SDK2: variants seen among roughly 807,000 people sequenced by gnomAD.
The protein encoded by SDK2 is sidekick cell adhesion molecule 2.
Under a neutral mutation model 253.9 loss-of-function variants are expected in SDK2, and 105 were observed. The observed-to-expected ratio is 0.41, with a 90% CI of 0.35 to 0.49. The LOEUF (loss-of-function observed/expected upper bound fraction) is 0.49. Ranked by LOEUF, SDK2 falls within the 20% of genes least tolerant of loss-of-function variation. SDK2 has a pLI of 0.06. For synonymous variants in SDK2, 1,249 were observed against 1,234.9 expected (o/e 1.01, Z -0.24); for missense variants, 2,608 against 3,003.0 (o/e 0.87, Z 3.07).
intron 1 of SDK2, chr17:73,516,570 A>G (rs2064030273): frequency 6.6e-6 from 1 of 152,330 alleles, no homozygotes; most frequent in African/African-American, 2.4e-5. Context: ...CACAAATGAG[A>G]TGCTAATTTA....
chr17:73,588,387 CAA>C (rs1215654213), intron 1 of SDK2, among the ~76,000 whole-genome samples: 8 of 59,026 alleles, frequency 1.4e-4, no homozygotes, highest in Non-Finnish European at 1.7e-4. Flanking sequence ...AACTCCATCT[CAA>C]AAAAAAAAAA....
rs1196085254 is a variant in SDK2 at position 73,481,191 on chromosome 17, G to C, written c.225-8973C>G. Among the ~76,000 whole-genome samples the C allele has an allele frequency of 6.6e-6, 1 of 152,178 alleles. No individual in the cohort carries two copies. The highest frequency in any genetic ancestry group is 2.4e-5 in the African/African-American group (1 of 41,460). Reference sequence around the variant, plus strand: ...GGTTCCAGAATCCTTGGAAGGTGGGGGAGGGCCCTGGACTTGTCCCCTCCC... The same window carrying C: ...GGTTCCAGAATCCTTGGAAGGTGGGCGAGGGCCCTGGACTTGTCCCCTCCC... On this transcript the variant is annotated intron_variant, in intron 2 of 44. Transcript: ENST00000392650. This position sits in a 1 kb window ranked among gnomAD's most constrained non-coding sequence, Gnocchi z 4.5.
intron 1 of SDK2, among the ~76,000 whole-genome samples, chr17:73,598,083 C>T (rs2045785540): frequency 6.6e-6 from 1 of 150,508 alleles, no homozygotes; most frequent in Non-Finnish European, 1.5e-5. Flanking sequence ...TCTCAGGTGC[C>T]CCAAACCTAG....
chr17:73,350,901 T>G, intron 41 of SDK2, 111 bp from the exon 42 acceptor site: 1 of 1,157,374 alleles, frequency 8.6e-7, no homozygotes, highest in Non-Finnish European at 1.2e-6. Flanking sequence ...AGGCAGGGTC[T>G]GTACCCTCCG....
At chr17:73,412,009 TGTAG>T (rs1191464789) in intron 18 of SDK2, among the ~76,000 whole-genome samples, 11 of 119,362 alleles carry the variant, frequency 9.2e-5, no homozygotes, top group East Asian at 7.5e-4. Context: ...CACATATATA[TGTAG>T]ATATACGTAT....
rs966618142 is a variant in SDK2, at chr17:73,533,541, C to A, written c.65-25944G>T. ...GCCTAGCTCCAGATCATCACTACTG[C>A]CCACCATCACTTCCCTGGCACAGGG... On this transcript the variant is annotated intron_variant, in intron 1 of 44. Coordinates refer to ENST00000392650, the MANE Select transcript of SDK2 (RefSeq NM_001144952.2). Among the ~76,000 whole-genome samples, 74 of 152,224 alleles carry A rather than the reference C, an allele frequency of 4.9e-4. 1 individual carries two copies. Among genetic ancestry groups the A allele is most frequent in the Admixed American group, 3.9e-3 (59 of 15,290 alleles).
intron 2 of SDK2, among the ~76,000 whole-genome samples, chr17:73,499,811 G>A (rs1396802365): frequency 6.6e-6 from 1 of 151,900 alleles, no homozygotes; most frequent in Non-Finnish European, 1.5e-5. Flanking sequence ...TGGCACCCAT[G>A]AGCCTCCATA....
rs776745161 is a variant in SDK2 at position 73,431,487 on chromosome 17, G to T, written c.1480+15C>A. The T allele has an allele frequency of 1.2e-6, 2 of 1,606,742 alleles. No homozygotes were observed. Among genetic ancestry groups the T allele is most frequent in the Non-Finnish European group, 1.7e-6 (2 of 1,176,916 alleles). ...ACACACAAATGTATAAAGCCCTGTG[G>T]CTCTGCACACTCACCCCAAACGACT... On this transcript the variant is annotated intron_variant, in intron 11 of 44. Coordinates refer to ENST00000392650, the MANE Select transcript of SDK2 (RefSeq NM_001144952.2). The surrounding 1 kb of genome is among the most constrained non-coding windows in gnomAD (Gnocchi z 5.6).
chr17:73,587,114 C>T (rs1201622623), intron 1 of SDK2, among the ~76,000 whole-genome samples: 1 of 152,186 alleles, frequency 6.6e-6, no homozygotes, highest in African/African-American at 2.4e-5. Flanking sequence ...CCAAGACTAT[C>T]CACCCAGCTA....
rs56328256 is a variant in SDK2 at position 73,342,148 on chromosome 17, G to C, written c.6166-3208C>G. 9.0e-3 allele frequency among the ~76,000 whole-genome samples: 1,327 copies of C among 147,770 alleles called. 21 individuals carry two copies. Among genetic ancestry groups the C allele is most frequent in the African/African-American group, 0.032 (1,251 of 39,712 alleles). ...CTCCCTAGTCCATCTGCTAATTTAT[G>C]TTCTCTGGCCCCTCCCCTCCCTCTC... is the stretch of plus-strand genomic sequence containing the variant. On this transcript the variant is annotated intron_variant, in intron 44 of 44. Transcript: ENST00000392650.
At chr17:73,566,319 A>ATATGTG (rs752325058) in intron 1 of SDK2, among the ~76,000 whole-genome samples, 23 of 139,416 alleles carry the variant, frequency 1.6e-4, no homozygotes, top group African/African-American at 6.1e-4. Context: ...TTATATATAT[A>ATATGTG]TGTGTGTGTG....
chr17:73,376,904 T>C (rs1264247470), intron 36 of SDK2, among the ~76,000 whole-genome samples: 1 of 151,764 alleles, frequency 6.6e-6, no homozygotes, highest in Non-Finnish European at 1.5e-5. Context: ...ATGAGACTCT[T>C]ATGCTGGATT....
intron 1 of SDK2, among the ~76,000 whole-genome samples, chr17:73,533,611 C>A (rs1182391745): frequency 6.6e-6 from 1 of 152,226 alleles, no homozygotes; most frequent in Non-Finnish European, 1.5e-5. Flanking sequence ...ACGCTCTGTG[C>A]TGCCACTTGG....
chr17:73,368,019 C>T (rs1026420435), intron 37 of SDK2, among the ~76,000 whole-genome samples: 3 of 152,112 alleles, frequency 2.0e-5, no homozygotes, highest in African/African-American at 7.2e-5. Context: ...TAGCATGGCA[C>T]GGGCTCATAA....
chr17:73,602,144 G>A (rs916350984), intron 1 of SDK2, among the ~76,000 whole-genome samples: 1 of 152,230 alleles, frequency 6.6e-6, no homozygotes, highest in Non-Finnish European at 1.5e-5. Context: ...TTGGGAAACT[G>A]AGGCCCAGAA....
In SDK2 at chr17:73,570,312, A is replaced by G. The variant is rs559080793; in HGVS notation, c.65-62715T>C. Among the ~76,000 whole-genome samples the G allele has an allele frequency of 4.6e-5, 7 of 152,220 alleles. No individual in the cohort carries two copies. The highest frequency in any genetic ancestry group is 3.9e-4 in the Admixed American group (6 of 15,288). On this transcript the variant is annotated intron_variant, in intron 1 of 44. Transcript: ENST00000392650. This position sits in a 1 kb window ranked among gnomAD's most constrained non-coding sequence, Gnocchi z 4.2. ...CGTCTACACCGGGTCCAGAAACCAC[A>G]CAACCCATAGGTTCTGTGAGCTCCT...
rs968533138 is a variant in SDK2, at chr17:73,443,981, G to T, written c.614-3058C>A. Among the ~76,000 whole-genome samples the T allele has an allele frequency of 2.0e-5, 3 of 152,280 alleles. No individual in the cohort carries two copies. In the South Asian group the frequency reaches 6.2e-4, roughly 32 times the overall value. On this transcript the variant is annotated intron_variant, in intron 5 of 44. Transcript: ENST00000392650. The surrounding 1 kb of genome is among the most constrained non-coding windows in gnomAD (Gnocchi z 4.6). ...GGAGGGTGATGTCCCAGAGGAAGTC[G>T]AACCAATGCTCGTGGGGTTAATGAA...
At chr17:73,429,295 C>T (rs762478045) in intron 12 of SDK2, among the ~76,000 whole-genome samples, 2 of 152,150 alleles carry the variant, frequency 1.3e-5, no homozygotes, top group Non-Finnish European at 2.9e-5. Context: ...ATCTATTAAA[C>T]CCAGAAATAA....
At chr17:73,358,516 T>A (rs2062612492) in intron 39 of SDK2, among the ~76,000 whole-genome samples, 1 of 152,000 alleles carries the variant, frequency 6.6e-6, no homozygotes. Context: ...GTTAGATGGG[T>A]GATTTTGATC....
Sources: gnomAD v4.1 joint callset for allele counts (sites outside exome capture counted in the v4.1 genomes callset) on GRCh38, gnomAD v4.1.1 for gene constraint, Gnocchi (gnomAD v3.1) non-coding constraint, MANE v1.5 for transcripts, NCBI Gene and HGNC (gene_info 2026-07-23, HGNC 2026-07-21) for gene names.